Variants in GRHL1 observed in about 807,000 individuals in gnomAD.
The protein encoded by GRHL1 is grainyhead-like protein 1 homolog.
In GRHL1, 38 loss-of-function variants were observed where a neutral mutation model predicts 75.7. The observed-to-expected ratio is 0.50, with a 90% CI of 0.39 to 0.66. The LOEUF (loss-of-function observed/expected upper bound fraction) is 0.66. Ranked by LOEUF, GRHL1 falls within the 30% of genes least tolerant of loss-of-function variation. The pLI is 0.00. For synonymous variants in GRHL1, 266 were observed against 279.4 expected (o/e 0.95, Z 0.48); for missense variants, 589 against 767.5 (o/e 0.77, Z 2.75).
At chr2:9,952,087 C>T (rs1474947683) in intron 1 of GRHL1, among the ~76,000 whole-genome samples, 4 of 144,708 alleles carry the variant, frequency 2.8e-5, no homozygotes, top group African/African-American at 8.1e-5. Context: ...AACTCGACAC[C>T]GGAGGGGCCA....
intron 5 of GRHL1, 113 bp from the exon 6 acceptor site, chr2:9,963,773 T>C: frequency 5.7e-6 from 4 of 705,304 alleles, no homozygotes; most frequent in South Asian, 4.4e-5. Flanking sequence ...CTGAGTACTT[T>C]TGTTTCAGAT....
At chr2:9,982,483 C>T (rs555105808) in intron 8 of GRHL1, among the ~76,000 whole-genome samples, 3 of 152,296 alleles carry the variant, frequency 2.0e-5, no homozygotes, top group East Asian at 1.9e-4. Flanking sequence ...ATCTGACATC[C>T]GTATGTTTTA....
At chr2:9,981,551 C>T (rs369163946) in intron 8 of GRHL1, among the ~76,000 whole-genome samples, 2 of 152,240 alleles carry the variant, frequency 1.3e-5, no homozygotes, top group East Asian at 1.9e-4. Context: ...CGAAACACGA[C>T]CACACTCATA....
intron 2 of GRHL1, among the ~76,000 whole-genome samples, chr2:9,956,108 T>G (rs1667011421): frequency 1.3e-5 from 2 of 152,258 alleles, no homozygotes; most frequent in Admixed American, 1.3e-4. Flanking sequence ...TTACAGTTTA[T>G]TTTTGCTATC....
In GRHL1 at chr2:9,992,989, G is replaced by T. The variant is rs551053023; in HGVS notation, c.1462-218G>T. 1.3e-5 allele frequency among the ~76,000 whole-genome samples: 2 copies of T among 152,206 alleles called. No individual in the cohort carries two copies. Among genetic ancestry groups the T allele is most frequent in the Non-Finnish European group, 2.9e-5 (2 of 68,032 alleles). On this transcript the variant is annotated intron_variant, in intron 11 of 15. Transcript: ENST00000324907. This position sits in a 1 kb window ranked among gnomAD's most constrained non-coding sequence, Gnocchi z 4.6. ...ATGAGCGTGGCTTTGTTTCAGTAAA[G>T]ACTTTATTTACATGAACTGGCTTTA... is the stretch of plus-strand genomic sequence containing the variant.
intron 8 of GRHL1, among the ~76,000 whole-genome samples, chr2:9,982,343 G>C (rs1260273012): frequency 9.5e-6 from 1 of 104,818 alleles, no homozygotes; most frequent in Non-Finnish European, 2.2e-5. Flanking sequence ...TCACGTTACC[G>C]CAGTGGTTTC....
intron 14 of GRHL1, among the ~76,000 whole-genome samples, chr2:9,997,101 TCTC>T (rs1668897290): frequency 6.6e-6 from 1 of 152,192 alleles, no homozygotes. Context: ...GCTAAAAGCA[TCTC>T]CCCCAGCTCC....
chr2:9,953,013 A>T (rs912686048), intron 1 of GRHL1: 2 of 456,794 alleles, frequency 4.4e-6, no homozygotes, highest in African/African-American at 4.0e-5. Context: ...CGGCGACTGA[A>T]GCCTACTTCC....
intron 9 of GRHL1, among the ~76,000 whole-genome samples, chr2:9,988,256 T>G (rs148110818): frequency 2.0e-4 from 31 of 152,310 alleles, no homozygotes; most frequent in Admixed American, 1.6e-3. Context: ...GTGCTCAGTG[T>G]AAGGCTAATC....
At chr2:9,966,642 A>C (rs184160141) in intron 8 of GRHL1, among the ~76,000 whole-genome samples, 1 of 152,096 alleles carries the variant, frequency 6.6e-6, no homozygotes. Flanking sequence ...GGTGCTGACT[A>C]TTAGGGTTTC....
At chr2:9,956,494 C>T (rs1345339098) in intron 2 of GRHL1, among the ~76,000 whole-genome samples, 1 of 151,700 alleles carries the variant, frequency 6.6e-6, no homozygotes, top group Non-Finnish European at 1.5e-5. Context: ...TCACTACACT[C>T]CAGCCTGGGT....
intron 8 of GRHL1, among the ~76,000 whole-genome samples, chr2:9,979,409 T>G (rs1004253006): frequency 3.3e-5 from 5 of 151,982 alleles, no homozygotes; most frequent in Non-Finnish European, 5.9e-5. Flanking sequence ...TAATTTATTT[T>G]ATTTTCTGTT....
rs1553306892 is a variant in GRHL1 at position 9,998,523 on chromosome 2, C to CATATATACGTATATATATACATATGT, written c.1678-435_1678-434insCGTATATATATACATATGTATATATA. ...ATACATATATATACGTATATATATA[C>CATATATACGTATATATATACATATGT]ATATATATACGTATATATACATATG... On this transcript the variant is annotated intron_variant, in intron 14 of 15. Coordinates refer to ENST00000324907, the MANE Select transcript of GRHL1 (RefSeq NM_198182.3). Among the ~76,000 whole-genome samples the CATATATACGTATATATATACATATGT allele has an allele frequency of 2.1e-4, 2 of 9,732 alleles. 1 individual carries two copies. Among genetic ancestry groups the CATATATACGTATATATATACATATGT allele is most frequent in the Non-Finnish European group, 3.7e-4 (2 of 5,448 alleles). 6.4% of individuals were successfully genotyped at this position (9,732 alleles called of 152,430 possible). A position where few individuals can be genotyped will look rare whatever the true frequency, so the allele number is the denominator to read the frequency against.
intron 8 of GRHL1, among the ~76,000 whole-genome samples, chr2:9,973,174 G>A (rs1233858117): frequency 6.6e-6 from 1 of 152,210 alleles, no homozygotes; most frequent in Non-Finnish European, 1.5e-5. Context: ...GCCGCTGAAA[G>A]TCTTTTATTT....
rs1177867055 is a variant in GRHL1, at chr2:9,961,211, C to T, written c.444C>T (p.Ser148=). 1 of 1,614,090 alleles carries T rather than the reference C, an allele frequency of 6.2e-7. No individual in the cohort carries two copies. Among genetic ancestry groups the T allele is most frequent in the African/African-American group, 1.3e-5 (1 of 75,028 alleles). ...CTCCAGATACGACAGTCACTGTCTC[C>T]ATAGCAACGATGCCTACCCACTCCA... is the stretch of plus-strand genomic sequence containing the variant. ...LTAPDTTVTV[S]IATMPTHSIK... The change falls in exon 4 of 16, where the codon TCC becomes TCT. Residue 148 remains serine, a synonymous_variant. Coordinates refer to ENST00000324907, the MANE Select transcript of GRHL1 (RefSeq NM_198182.3).
In GRHL1 at chr2:9,987,047, C is replaced by T. The variant is rs1050075810; in HGVS notation, c.1269+765C>T. Among the ~76,000 whole-genome samples the T allele has an allele frequency of 9.2e-5, 14 of 151,586 alleles. No homozygotes were observed. Among genetic ancestry groups the T allele is most frequent in the African/African-American group, 2.7e-4 (11 of 41,216 alleles). On this transcript the variant is annotated intron_variant, in intron 9 of 15. Coordinates refer to ENST00000324907, the MANE Select transcript of GRHL1 (RefSeq NM_198182.3). The surrounding 1 kb of genome is among the most constrained non-coding windows in gnomAD (Gnocchi z 4.2). ...ATGCTGGAGTGCAGTGGCGCAGTCT[C>T]GGCTCACTGCAGCCTCTGCTTCCCG...
rs1386067560 is a variant in GRHL1 at position 10,000,994 on chromosome 2, C to T, written c.*287C>T. On this transcript the variant is annotated 3_prime_UTR_variant, in exon 16 of 16. Coordinates refer to ENST00000324907, the MANE Select transcript of GRHL1 (RefSeq NM_198182.3). ...ACTTTATTCCAAGAGTTAACAGAGT[C>T]TCTGGGAAGCTTTAGGACATCTGCT... 4 of 224,872 alleles carry T rather than the reference C, an allele frequency of 1.8e-5. No individual in the cohort carries two copies. The East Asian group carries it at 2.8e-4, about 16-fold the overall frequency. The allele number at this position is 224,872 out of a possible 1,614,324, so 13.9% of individuals were successfully genotyped here.
intron 8 of GRHL1, among the ~76,000 whole-genome samples, chr2:9,971,610 T>C (rs140887788): frequency 6.6e-6 from 1 of 152,314 alleles, no homozygotes; most frequent in Non-Finnish European, 1.5e-5. Flanking sequence ...CCCAGGGATT[T>C]TTTCTTATGC....
In GRHL1 at chr2:10,001,901, G is replaced by C. The variant is rs1200424459; in HGVS notation, c.*1194G>C. 1 of 152,506 alleles carries C rather than the reference G, an allele frequency of 6.6e-6. No individual in the cohort carries two copies. Among genetic ancestry groups the C allele is most frequent in the African/African-American group, 2.4e-5 (1 of 41,410 alleles). 9.4% of individuals were successfully genotyped at this position (152,506 alleles called of 1,614,324 possible). ...AGAGCCTTCGTGCTTTGATTATCTT[G>C]TATGTTAACAATTCTAGAAAACATT... On this transcript the variant is annotated 3_prime_UTR_variant, in exon 16 of 16. Transcript: ENST00000324907.
Sources: gnomAD v4.1 joint callset for allele counts (sites outside exome capture counted in the v4.1 genomes callset) on GRCh38, gnomAD v4.1.1 for gene constraint, Gnocchi (gnomAD v3.1) non-coding constraint, MANE v1.5 for transcripts, NCBI Gene and HGNC (gene_info 2026-07-23, HGNC 2026-07-21) for gene names.